The following SLC26A2 variants were observed in gnomAD, a reference collection of about 807,000 sequenced individuals.
SLC26A2 encodes the protein solute carrier family 26 member 2, also known as sulfate transporter.
SLC26A2 carries 36 observed loss-of-function variants against 41.1 expected under a neutral mutation model. That is an observed-to-expected ratio of 0.88 (90% CI 0.67 to 1.16). The LOEUF is 1.16. Among genes scored for constraint, SLC26A2 ranks in the 50% most tolerant of loss-of-function variants. The pLI is 0.00. For missense variants in SLC26A2, 796 were observed against 869.6 expected (o/e 0.92, Z 1.07); for synonymous variants, 291 against 311.6 (o/e 0.93, Z 0.70).
intron 1 of SLC26A2, among the ~76,000 whole-genome samples, chr5:149,967,588 A>T (rs1382258645): frequency 6.6e-6 from 1 of 152,224 alleles, no homozygotes; most frequent in East Asian, 1.9e-4. Flanking sequence ...GTAGTGTACA[A>T]TGCAGTGGCA....
At chr5:149,967,725 A>G (rs1754828967) in intron 1 of SLC26A2, among the ~76,000 whole-genome samples, 2 of 151,934 alleles carry the variant, frequency 1.3e-5, no homozygotes, top group African/African-American at 2.4e-5. Context: ...TTCTCTATGT[A>G]TATGCCTATT....
chr5:149,973,374 T>C (rs982958506), intron 1 of SLC26A2, among the ~76,000 whole-genome samples: 1 of 152,258 alleles, frequency 6.6e-6, no homozygotes, highest in Non-Finnish European at 1.5e-5. Context: ...TCCTGGACTT[T>C]CTTTGTTATG....
chr5:149,973,736 G>A (rs1331923924), intron 1 of SLC26A2, among the ~76,000 whole-genome samples: 1 of 152,168 alleles, frequency 6.6e-6, no homozygotes, highest in Non-Finnish European at 1.5e-5. Context: ...TTAGGCTCAA[G>A]CAGTCTCCCT....
chr5:149,962,140 T>A (rs1315334174), intron 1 of SLC26A2: 1 of 152,112 alleles, frequency 6.6e-6, no homozygotes, highest in Non-Finnish European at 1.5e-5. Context: ...GCTCACTCGT[T>A]CAGCATCATC....
At chr5:149,965,099 AAG>A (rs1206444230) in intron 1 of SLC26A2, among the ~76,000 whole-genome samples, 1 of 152,156 alleles carries the variant, frequency 6.6e-6, no homozygotes, top group Non-Finnish European at 1.5e-5. Flanking sequence ...AACTTTTCTG[AAG>A]ATTTAAAAAC....
chr5:149,981,718 T>C lies in SLC26A2; in HGVS notation c.2125T>C (p.Phe709Leu). ...YCKKEEENLL[F>L]YSVYEAMAFA... is the part of the protein sequence containing the mutation. The stretch of plus-strand genomic sequence containing the variant: ...CAAAAAGGAAGAAGAAAACCTTCTC[T>C]TCTATAGTGTGTATGAAGCGATGGC... Residue 709 changes from phenylalanine (F) to leucine (L), a missense_variant, in exon 3 of 3, where the codon TTC becomes CTC. By Grantham distance (22) the Phe-to-Leu change is conservative. Transcript: ENST00000286298. The C allele has an allele frequency of 2.5e-6, 4 of 1,611,750 alleles. No individual in the cohort carries two copies. Among genetic ancestry groups the C allele is most frequent in the Non-Finnish European group, 3.4e-6 (4 of 1,179,302 alleles).
intron 1 of SLC26A2, among the ~76,000 whole-genome samples, chr5:149,971,565 G>T (rs1035290372): frequency 5.3e-5 from 8 of 151,806 alleles, no homozygotes; most frequent in African/African-American, 1.9e-4. Context: ...ACGCCTGGCT[G>T]ACTTTTCTAT....
chr5:149,963,738 CTTTT>C (rs761075019), intron 1 of SLC26A2, among the ~76,000 whole-genome samples: 2 of 78,264 alleles, frequency 2.6e-5, no homozygotes, highest in Non-Finnish European at 4.4e-5. Flanking sequence ...ATTTGTTTAA[CTTTT>C]TTTTTTTTTT....
chr5:149,981,289 G>A lies in SLC26A2; in HGVS notation c.1696G>A (p.Val566Met). The A allele has an allele frequency of 6.2e-7, 1 of 1,614,146 alleles. No homozygotes were observed. The highest frequency in any genetic ancestry group is 1.1e-5 in the South Asian group (1 of 91,080). The part of the protein sequence containing the change: ...LVEESEVFES[V>M]SAYKNLQIKP... ...GGAAGAGTCTGAGGTCTTTGAATCT[G>A]TGTCTGCTTACAAGAACCTTCAGAT... The change falls in exon 3 of 3, where the codon GTG becomes ATG. Residue 566 changes from valine to methionine, a missense_variant. Coordinates refer to ENST00000286298, the MANE Select transcript of SLC26A2 (RefSeq NM_000112.4).
intron 1 of SLC26A2, among the ~76,000 whole-genome samples, chr5:149,976,198 A>G (rs1211920414): frequency 6.6e-6 from 1 of 152,078 alleles, no homozygotes; most frequent in African/African-American, 2.4e-5. Context: ...CCACAGTCAC[A>G]AATGTTTGTT....
chr5:149,981,681 C>A lies in SLC26A2; in HGVS notation c.2088C>A (p.Asn696Lys), dbSNP rs780668685. 10 of 1,612,250 alleles carry A rather than the reference C, an allele frequency of 6.2e-6. No homozygotes were observed. The East Asian group carries it at 1.1e-4, about 18-fold the overall frequency. Residue 696 changes from asparagine (N) to lysine (K), a missense_variant, in exon 3 of 3, where the codon AAC becomes AAA. Transcript: ENST00000286298. ...CNPTVRDSLTNGEYCKKEEEN... is the reference protein window; with the variant it reads ...CNPTVRDSLTKGEYCKKEEEN... Reference sequence around the variant, plus strand: ...CCACTGTGAGGGATTCCCTAACCAACGGAGAATATTGCAAAAAGGAAGAAG... The same window carrying A: ...CCACTGTGAGGGATTCCCTAACCAAAGGAGAATATTGCAAAAAGGAAGAAG...
At position 149,982,732 on chromosome 5, in the gene SLC26A2, G is replaced by C. The variant is rs1238879602; in HGVS notation, c.*919G>C. ...CAATTTCTAACAGCATTTTAAATGA[G>C]TTTGATGTACAGTAAATATTGATGA... On this transcript the variant is annotated 3_prime_UTR_variant, in exon 3 of 3. Transcript: ENST00000286298. 3 of 152,142 alleles carry C rather than the reference G, an allele frequency of 2.0e-5. No homozygotes were observed. Among genetic ancestry groups the C allele is most frequent in the African/African-American group, 7.2e-5 (3 of 41,434 alleles). 9.4% of individuals were successfully genotyped at this position (152,142 alleles called of 1,614,324 possible).
At chr5:149,977,517 T>C (rs1217311833) in intron 1 of SLC26A2, 111 bp from the exon 2 acceptor site, 1 of 714,868 alleles carries the variant, frequency 1.4e-6, no homozygotes, top group Non-Finnish European at 2.5e-6. Context: ...AAGATACCTA[T>C]TCCAAAACTG....
chr5:149,978,008 G>A lies in SLC26A2; in HGVS notation c.356G>A (p.Gly119Asp). The change falls in exon 2 of 3, where the codon GGC (glycine) becomes GAC (aspartate). Residue 119 changes from glycine to aspartate, a missense_variant. Gly to Asp is a moderately conservative substitution (Grantham distance 94). Coordinates refer to ENST00000286298, the MANE Select transcript of SLC26A2 (RefSeq NM_000112.4). ...GATGTGATGTCAGGCTTGATTGTGG[G>A]CATATTATTGGTGCCCCAGTCCATT... ...LGDVMSGLIV[G>D]ILLVPQSIAY... 6.2e-7 allele frequency: 1 copy of A among 1,614,168 alleles called. No homozygotes were observed. Among genetic ancestry groups the A allele is most frequent in the Non-Finnish European group, 8.5e-7 (1 of 1,180,018 alleles).
rs1037285979 is a variant in SLC26A2 at position 149,981,781 on chromosome 5, G to A, written c.2188G>A (p.Val730Ile). 6.2e-7 allele frequency: 1 copy of A among 1,612,956 alleles called. No homozygotes were observed. The highest frequency in any genetic ancestry group is 8.5e-7 in the Non-Finnish European group (1 of 1,179,486). Residue 730 changes from valine to isoleucine, a missense_variant, in exon 3 of 3, where the codon GTT becomes ATT. Coordinates refer to ENST00000286298, the MANE Select transcript of SLC26A2 (RefSeq NM_000112.4). ...EVSKNQKGVCVPNGLSLSSD is the reference protein window; with the variant it reads ...EVSKNQKGVCIPNGLSLSSD ...ATCTAAAAATCAGAAAGGAGTATGT[G>A]TTCCCAATGGTCTGAGTCTTAGTAG...
At chr5:149,971,967 C>G (rs1226297575) in intron 1 of SLC26A2, among the ~76,000 whole-genome samples, 1 of 152,122 alleles carries the variant, frequency 6.6e-6, no homozygotes, top group Non-Finnish European at 1.5e-5. Flanking sequence ...TAAGCTCCTC[C>G]CACTAATCCC....
Position 149,977,792 on chromosome 5 carries a change from A to G in SLC26A2, c.140A>G (p.Gln47Arg). 6.2e-7 allele frequency: 1 copy of G among 1,614,100 alleles called. No homozygotes were observed. The highest frequency in any genetic ancestry group is 8.5e-7 in the Non-Finnish European group (1 of 1,179,928). Residue 47 changes from glutamine (Q) to arginine (R), a missense_variant, in exon 2 of 3, where the codon CAA becomes CGA. Transcript: ENST00000286298. ...TTCAAGCAATTTGAGACCAATGATC[A>G]ATGCAGACCTTATCATAGGATCCTT... ...TDFKQFETND[Q>R]CRPYHRILIE... is the part of the protein sequence containing the mutation.
rs946753621 is a variant in SLC26A2, at chr5:149,986,544, A to T, written c.*4731A>T. On this transcript the variant is annotated 3_prime_UTR_variant, in exon 3 of 3. Coordinates refer to ENST00000286298, the MANE Select transcript of SLC26A2 (RefSeq NM_000112.4). ...GTAATTTTTATCCTGATAAGGACTT[A>T]AAAAAAAGTTTTGCAACTGAAATTT... 1 of 152,024 alleles carries T rather than the reference A, an allele frequency of 6.6e-6. No homozygotes were observed. The highest frequency in any genetic ancestry group is 1.5e-5 in the Non-Finnish European group (1 of 68,004). The allele number at this position is 152,024 out of a possible 1,614,324, so 9.4% of individuals were successfully genotyped here.
At chr5:149,974,709 C>T (rs1011771295) in intron 1 of SLC26A2, among the ~76,000 whole-genome samples, 2 of 147,560 alleles carry the variant, frequency 1.4e-5, no homozygotes, top group African/African-American at 5.0e-5. Context: ...AGGTGTGAGC[C>T]ACTGCACCCG....
Sources: gnomAD v4.1 joint callset for allele counts (sites outside exome capture counted in the v4.1 genomes callset) on GRCh38, gnomAD v4.1.1 for gene constraint, MANE v1.5 for transcripts, NCBI Gene and HGNC (gene_info 2026-07-23, HGNC 2026-07-21) for gene names.